POLE: variants seen among roughly 807,000 people sequenced by gnomAD.
POLE encodes DNA polymerase epsilon, catalytic subunit, also known as DNA polymerase epsilon catalytic subunit A.
In POLE, 188 loss-of-function variants were observed where a neutral mutation model predicts 279.2. The observed-to-expected ratio is 0.67, with a 90% CI of 0.60 to 0.76. The LOEUF is 0.76. Ranked by LOEUF, POLE falls within the 30% of genes least tolerant of loss-of-function variation. The pLI is 0.00. For synonymous variants in POLE, 1,214 were observed against 1,172.5 expected (o/e 1.04, Z -0.72); for missense variants, 2,703 against 3,016.7 (o/e 0.90, Z 2.44).
At chr12:132,669,240 G>A (rs1402407557) in intron 16 of POLE, among the ~76,000 whole-genome samples, 2 of 152,078 alleles carry the variant, frequency 1.3e-5, no homozygotes, top group African/African-American at 2.4e-5. Context: ...CGAGGCCAGA[G>A]GATCACTTGA....
chr12:132,648,099 T>A (rs1045105636), intron 32 of POLE, among the ~76,000 whole-genome samples: 1 of 151,948 alleles, frequency 6.6e-6, no homozygotes, highest in African/African-American at 2.4e-5. Context: ...GGAGTTCGGG[T>A]GGAGATGCCA....
rs1373188053 is a variant in POLE, at chr12:132,672,245, C to A, written c.1764G>T (p.Val588=). The change falls in exon 16 of 49, where the codon GTG becomes GTT. Residue 588 remains valine (V), a synonymous_variant. Transcript: ENST00000320574. ...CAAAGTTGGTGACTTGCTCCACAGG[C>A]ACTTTCTCCTCTTCCTCAAGGGCGT... The part of the protein sequence containing the change: ...LRHALEEEEK[V]PVEQVTNFEE... The A allele has an allele frequency of 6.2e-7, 1 of 1,614,174 alleles. No homozygotes were observed. Among genetic ancestry groups the A allele is most frequent in the South Asian group, 1.1e-5 (1 of 91,088 alleles).
intron 33 of POLE, 97 bp from the exon 34 acceptor site, chr12:132,643,657 C>T: frequency 1.3e-6 from 2 of 1,551,922 alleles, no homozygotes; most frequent in South Asian, 2.3e-5. Flanking sequence ...GCCCCTGCAG[C>T]TGCCCGGCCC....
At chr12:132,655,350 TTTAAG>T (rs2042510145) in intron 29 of POLE, among the ~76,000 whole-genome samples, 1 of 152,196 alleles carries the variant, frequency 6.6e-6, no homozygotes, top group Non-Finnish European at 1.5e-5. Flanking sequence ...ATGGTCTGTA[TTTAAG>T]TTATCTAGAA....
rs752184541 is a variant in POLE at position 132,642,669 on chromosome 12, C to T, written c.4789G>A (p.Ala1597Thr). 4 of 1,613,622 alleles carry T rather than the reference C, an allele frequency of 2.5e-6. No homozygotes were observed. The highest frequency in any genetic ancestry group is 3.4e-6 in the Non-Finnish European group (4 of 1,180,032). Reference sequence around the variant, plus strand: ...TCCTCCAAGACAGGAATTTCACTGGCCAGCCTCTTCAGCTCCCAGCTGGAC... The same window carrying T: ...TCCTCCAAGACAGGAATTTCACTGGTCAGCCTCTTCAGCTCCCAGCTGGAC... ...VQSSWELKRL[A>T]SEIPVLEEFP... Residue 1597 changes from alanine (A) to threonine (T), a missense_variant, in exon 37 of 49, where the codon GCC (alanine) becomes ACC (threonine). Transcript: ENST00000320574.
Position 132,661,729 on chromosome 12 carries a change from C to A in POLE, c.2707-45G>T, listed in dbSNP as rs747290796. The A allele has an allele frequency of 1.3e-6, 2 of 1,599,316 alleles. No individual in the cohort carries two copies. Among genetic ancestry groups the A allele is most frequent in the Non-Finnish European group, 1.7e-6 (2 of 1,171,616 alleles). On this transcript the variant is annotated intron_variant, in intron 23 of 48. Transcript: ENST00000320574. This position sits in a 1 kb window ranked among gnomAD's most constrained non-coding sequence, Gnocchi z 4.1. ...AGGGGGCAGCTTCACTCATGATGGC[C>A]CAAACCTGGAAACCACCTGGTGTCC...
chr12:132,626,690 C>T (rs1243482420), intron 45 of POLE, among the ~76,000 whole-genome samples: 3 of 151,786 alleles, frequency 2.0e-5, no homozygotes, highest in Non-Finnish European at 2.9e-5. Context: ...AAATGCGCAA[C>T]GAGATATTAG....
chr12:132,645,163 G>GGA (rs2042252386), intron 32 of POLE, among the ~76,000 whole-genome samples: 2 of 110,944 alleles, frequency 1.8e-5, no homozygotes, highest in Admixed American at 8.6e-5. Flanking sequence ...CTTCCTGTGT[G>GGA]GGGTCCTGGG....
intron 1 of POLE, among the ~76,000 whole-genome samples, chr12:132,682,291 C>CAAAAAAA (rs759276322): frequency 1.7e-5 from 2 of 120,484 alleles, no homozygotes; most frequent in African/African-American, 3.4e-5. Flanking sequence ...GAGACTCCGG[C>CAAAAAAA]AAAAAAAAAA....
At position 132,675,570 on chromosome 12, in the gene POLE, C is replaced by T. The variant is rs1447440781; in HGVS notation, c.1107-53G>A. 1.9e-6 allele frequency: 3 copies of T among 1,608,858 alleles called. No homozygotes were observed. Among genetic ancestry groups the T allele is most frequent in the Non-Finnish European group, 2.5e-6 (3 of 1,177,428 alleles). ...AGTGGGCAGGTCAGGCTCTAATGCC[C>T]CTTTCTCCATTCCTCCCTCAGACCC... On this transcript the variant is annotated intron_variant, in intron 11 of 48. Coordinates refer to ENST00000320574, the MANE Select transcript of POLE (RefSeq NM_006231.4). This position sits in a 1 kb window ranked among gnomAD's most constrained non-coding sequence, Gnocchi z 4.3.
Position 132,667,654 on chromosome 12 carries a change from C to T in POLE, c.2174-6G>A, listed in dbSNP as rs1593790359. 2 of 1,613,930 alleles carry T rather than the reference C, an allele frequency of 1.2e-6. No individual in the cohort carries two copies. The highest frequency in any genetic ancestry group is 1.7e-6 in the Non-Finnish European group (2 of 1,179,948). On this transcript the variant is annotated splice_region_variant and splice_polypyrimidine_tract_variant and intron_variant, in intron 19 of 48. Coordinates refer to ENST00000320574, the MANE Select transcript of POLE (RefSeq NM_006231.4). ...GTAGGCTTTCCGGCAGTAATCTAAGCACGACGGAGATGGGCAGAGCAGGTG... is the reference window on the plus strand; with the variant it reads ...GTAGGCTTTCCGGCAGTAATCTAAGTACGACGGAGATGGGCAGAGCAGGTG...
At chr12:132,651,738 C>G (rs933726512) in intron 29 of POLE, among the ~76,000 whole-genome samples, 17 of 152,342 alleles carry the variant, frequency 1.1e-4, no homozygotes, top group Admixed American at 6.5e-5. Context: ...CTGGCTGGCA[C>G]TCTCTCAAAA....
At chr12:132,658,695 A>G (rs571886073) in intron 26 of POLE, 1 of 155,386 alleles carries the variant, frequency 6.4e-6, no homozygotes, top group Non-Finnish European at 1.4e-5. Context: ...CACGCACACT[A>G]TGATCCACTC....
At chr12:132,647,355 A>G (rs554911360) in intron 32 of POLE, among the ~76,000 whole-genome samples, 2 of 152,336 alleles carry the variant, frequency 1.3e-5, no homozygotes, top group East Asian at 3.9e-4. Context: ...AATACTTTAA[A>G]AAGAGAGGAA....
At chr12:132,627,638 A>C (rs1306602432) in intron 45 of POLE, among the ~76,000 whole-genome samples, 1 of 152,264 alleles carries the variant, frequency 6.6e-6, no homozygotes, top group African/African-American at 2.4e-5. Flanking sequence ...TATTAAGTGC[A>C]TAACAGCATT....
intron 14 of POLE, 54 bp downstream of exon 14, chr12:132,673,110 G>C: frequency 8.5e-7 from 1 of 1,178,832 alleles, no homozygotes. Flanking sequence ...AGTGCATTTG[G>C]AATGGGGCAA....
chr12:132,673,395 G>A (rs577502775), intron 13 of POLE, 118 bp from the exon 14 acceptor site: 9 of 1,166,954 alleles, frequency 7.7e-6, no homozygotes, highest in South Asian at 3.9e-5. Context: ...TAAGGAGACC[G>A]GCACAGGACA....
intron 6 of POLE, among the ~76,000 whole-genome samples, chr12:132,678,351 C>T (rs575442051): frequency 7.9e-5 from 12 of 151,732 alleles, no homozygotes; most frequent in African/African-American, 1.5e-4. Flanking sequence ...AGGATCGCTT[C>T]GGCCCAGGAG....
At position 132,657,102 on chromosome 12, in the gene POLE, C is replaced by T. The variant is rs753702996; in HGVS notation, c.3582+34G>A. On this transcript the variant is annotated intron_variant, in intron 29 of 48. Transcript: ENST00000320574. Reference sequence around the variant, plus strand: ...CTGGAGTCCTGTGTGTCACAAGGATCCCGCCCAGCCCAGCCTTGGGGCCCC... The same window carrying T: ...CTGGAGTCCTGTGTGTCACAAGGATTCCGCCCAGCCCAGCCTTGGGGCCCC... 24 of 1,610,734 alleles carry T rather than the reference C, an allele frequency of 1.5e-5. No individual in the cohort carries two copies. The highest frequency in any genetic ancestry group is 5.5e-5 in the South Asian group (5 of 90,850).
Sources: allele counts gnomAD v4.1 joint callset (sites outside exome capture counted in the v4.1 genomes callset), GRCh38; gene constraint gnomAD v4.1.1; non-coding constraint Gnocchi (gnomAD v3.1); transcripts MANE v1.5; gene names NCBI Gene and HGNC (gene_info 2026-07-23, HGNC 2026-07-21).